The following ADGRG7 variants were observed in gnomAD, a reference collection of about 807,000 sequenced individuals.
ADGRG7 encodes the protein adhesion G protein-coupled receptor G7, also known as G-protein coupled receptor 128.
A neutral mutation model predicts 88.6 loss-of-function variants in ADGRG7; 82 were observed. The observed-to-expected ratio is 0.93, with a 90% confidence interval of 0.77 to 1.11. The LOEUF is 1.11. ADGRG7 is among the 50% of genes most tolerant of loss of function. The pLI is 0.00. For missense variants in ADGRG7, 945 were observed against 953.4 expected (o/e 0.99, Z 0.12); for synonymous variants, 381 against 345.2 (o/e 1.10, Z -1.15).
intron 11 of ADGRG7, among the ~76,000 whole-genome samples, chr3:100,651,932 T>A (rs2094929809): frequency 6.6e-6 from 1 of 152,138 alleles, no homozygotes; most frequent in Non-Finnish European, 1.5e-5. Flanking sequence ...AATAAACCCA[T>A]TGTAAATTGA....
rs983817387 is a variant in ADGRG7 at position 100,646,272 on chromosome 3, T to C, written c.1110+164T>C. The stretch of plus-strand genomic sequence containing the variant: ...AATAAAAATTCAGACCACTCTTGAA[T>C]AGCAAAAGCAGGGATATGTTGAATA... On this transcript the variant is annotated intron_variant, in intron 9 of 15. Coordinates refer to ENST00000273352, the MANE Select transcript of ADGRG7 (RefSeq NM_032787.3). 1.5e-5 allele frequency: 10 copies of C among 662,600 alleles called. No homozygotes were observed. The African/African-American group carries it at 1.6e-4, about 11-fold the overall frequency. The allele number at this position is 662,600 out of a possible 1,614,324, so 41.0% of individuals were successfully genotyped here.
chr3:100,686,881 A>G (rs1366471049), intron 15 of ADGRG7, among the ~76,000 whole-genome samples: 2 of 152,130 alleles, frequency 1.3e-5, no homozygotes, highest in East Asian at 3.8e-4. Flanking sequence ...TTCCATATGA[A>G]CGAACTTTAA....
chr3:100,690,637 A>T (rs2094991648), intron 15 of ADGRG7, among the ~76,000 whole-genome samples: 1 of 152,218 alleles, frequency 6.6e-6, no homozygotes, highest in Non-Finnish European at 1.5e-5. Flanking sequence ...GGTCCACTCC[A>T]GACCCTGTTT....
At chr3:100,622,661 T>C (rs992418585) in intron 1 of ADGRG7, among the ~76,000 whole-genome samples, 1 of 152,212 alleles carries the variant, frequency 6.6e-6, no homozygotes, top group African/African-American at 2.4e-5. Flanking sequence ...AATCTACAAT[T>C]AGATTTACAA....
chr3:100,665,121 T>A, intron 14 of ADGRG7: 1 of 529,744 alleles, frequency 1.9e-6, no homozygotes, highest in Admixed American at 2.0e-5. Flanking sequence ...ATTTCAAATA[T>A]CTTGGTTAGT....
At chr3:100,654,655 A>G in intron 11 of ADGRG7, 180 bp from the exon 12 acceptor site, 1 of 521,444 alleles carries the variant, frequency 1.9e-6, no homozygotes, top group Non-Finnish European at 3.4e-6. Context: ...AAATGATAAG[A>G]GGAAAGTATA....
chr3:100,625,694 T>C (rs193041048), intron 1 of ADGRG7, among the ~76,000 whole-genome samples: 14 of 152,350 alleles, frequency 9.2e-5, no homozygotes, highest in African/African-American at 2.9e-4. Flanking sequence ...TATTTTGAGA[T>C]ATGTTCCATC....
chr3:100,660,952 C>CAAAA (rs112296437), intron 14 of ADGRG7, among the ~76,000 whole-genome samples: 14 of 96,982 alleles, frequency 1.4e-4, no homozygotes, highest in African/African-American at 4.6e-4. Context: ...AACTCCATCT[C>CAAAA]AAAAAAAAAA....
intron 14 of ADGRG7, 97 bp downstream of exon 14, chr3:100,659,940 G>C (rs2094943051): frequency 8.4e-7 from 1 of 1,192,926 alleles, no homozygotes; most frequent in African/African-American, 1.5e-5. Flanking sequence ...CTTTCAAACT[G>C]AGACAATGGC....
chr3:100,621,934 C>T (rs1369893074), intron 1 of ADGRG7, among the ~76,000 whole-genome samples: 1 of 152,170 alleles, frequency 6.6e-6, no homozygotes, highest in Non-Finnish European at 1.5e-5. Context: ...CCAGTGGTTT[C>T]GAGATGAAAC....
chr3:100,644,198 T>A (rs1221928583), intron 8 of ADGRG7, among the ~76,000 whole-genome samples: 1 of 145,294 alleles, frequency 6.9e-6, no homozygotes, highest in Non-Finnish European at 1.5e-5. Context: ...AAAAAAAAAA[T>A]AAGTAAATCA....
intron 1 of ADGRG7, among the ~76,000 whole-genome samples, chr3:100,618,713 T>G (rs1707262168): frequency 6.6e-6 from 1 of 152,176 alleles, no homozygotes; most frequent in Non-Finnish European, 1.5e-5. Context: ...CTTTTTTTGG[T>G]TCCGTATGAA....
Position 100,609,852 on chromosome 3 carries a change from TC to T in ADGRG7, c.-4del. The T allele has an allele frequency of 6.2e-7, 1 of 1,612,114 alleles. No homozygotes were observed. Among genetic ancestry groups the T allele is most frequent in the Non-Finnish European group, 8.5e-7 (1 of 1,178,278 alleles). On this transcript the variant is annotated 5_prime_UTR_variant, in exon 1 of 16. Transcript: ENST00000273352. ...CCAGGAGTGGATTTGTGGTTTGGCT[TC>T]ACCATGGCTTCCTGCCGTGCCTGGA...
chr3:100,640,599 A>G (rs1206027232), intron 6 of ADGRG7, among the ~76,000 whole-genome samples: 5 of 151,896 alleles, frequency 3.3e-5, no homozygotes, highest in Non-Finnish European at 7.4e-5. Context: ...TCAGCTCACC[A>G]CAACCTCTGC....
intron 14 of ADGRG7, among the ~76,000 whole-genome samples, chr3:100,663,210 C>A (rs937559003): frequency 6.6e-6 from 1 of 152,016 alleles, no homozygotes; most frequent in African/African-American, 2.4e-5. Context: ...AAAAATAAAA[C>A]TAAAACATGC....
At chr3:100,610,911 T>C (rs962411174) in intron 1 of ADGRG7, among the ~76,000 whole-genome samples, 4 of 152,094 alleles carry the variant, frequency 2.6e-5, no homozygotes, top group African/African-American at 9.7e-5. Context: ...GCTGCAAAGA[T>C]CCAGTGTTGA....
intron 6 of ADGRG7, among the ~76,000 whole-genome samples, chr3:100,641,834 G>A (rs1003126070): frequency 2.0e-5 from 3 of 152,162 alleles, no homozygotes; most frequent in African/African-American, 2.4e-5. Flanking sequence ...TCACAATGAT[G>A]TAATGACCTC....
At chr3:100,654,689 T>C in intron 11 of ADGRG7, 146 bp from the exon 12 acceptor site, 3 of 565,936 alleles carry the variant, frequency 5.3e-6, no homozygotes, top group Non-Finnish European at 9.3e-6. Flanking sequence ...ATCGAGAAGG[T>C]AGATTTACCA....
At chr3:100,652,104 A>AT (rs1410662573) in intron 11 of ADGRG7, among the ~76,000 whole-genome samples, 7 of 152,158 alleles carry the variant, frequency 4.6e-5, no homozygotes, top group Admixed American at 3.3e-4. Flanking sequence ...ATAAAATTAG[A>AT]TAAAAACTAG....
Sources: allele counts gnomAD v4.1 joint callset (sites outside exome capture counted in the v4.1 genomes callset), GRCh38; gene constraint gnomAD v4.1.1; transcripts MANE v1.5; gene names NCBI Gene and HGNC (gene_info 2026-07-23, HGNC 2026-07-21).